KCNIP4: variants seen among roughly 807,000 people sequenced by gnomAD.
The protein encoded by KCNIP4 is Kv channel-interacting protein 4.
KCNIP4 carries 12 observed loss-of-function variants against 34.0 expected under a neutral mutation model. The ratio of observed to expected loss-of-function variants is 0.35; its 90% CI spans 0.23 to 0.57. KCNIP4 has a LOEUF of 0.57. KCNIP4 is among the 20% of genes least tolerant of loss of function. The probability of loss-of-function intolerance (pLI) is 0.83; values close to 1 mark genes in which losing one functional copy is unlikely to be tolerated. For synonymous variants in KCNIP4, 124 were observed against 102.2 expected, an observed-to-expected ratio of 1.21 and a Z score of -1.29; for missense variants, 238 against 311.7, an observed-to-expected ratio of 0.76 and a Z score of 1.78.
At chr4:21,140,855 G>C (rs1751898286) in intron 1 of KCNIP4, among the ~76,000 whole-genome samples, 1 of 152,152 alleles carries the variant, frequency 6.6e-6, no homozygotes. Flanking sequence ...GGTCCTCTCA[G>C]TCTCAGTTTC....
At chr4:21,897,418 G>A (rs763470464) in intron 1 of KCNIP4, among the ~76,000 whole-genome samples, 2 of 151,778 alleles carry the variant, frequency 1.3e-5, no homozygotes, top group Non-Finnish European at 2.9e-5. Context: ...TTTTTTTCTT[G>A]CCCTTGCTGT....
At chr4:21,564,609 T>C (rs1051457196) in intron 1 of KCNIP4, among the ~76,000 whole-genome samples, 3 of 152,098 alleles carry the variant, frequency 2.0e-5, no homozygotes, top group African/African-American at 4.8e-5. Flanking sequence ...AAATTTGTAA[T>C]TCCGTGTCTT....
chr4:21,366,705 A>G (rs1182607992), intron 1 of KCNIP4, among the ~76,000 whole-genome samples: 4 of 152,100 alleles, frequency 2.6e-5, no homozygotes, highest in Non-Finnish European at 5.9e-5. Context: ...AATAAATCCT[A>G]TCTCTATAGT....
At position 21,147,958 on chromosome 4, in the gene KCNIP4, AAAG is replaced by A. The variant is rs1412571521; in HGVS notation, c.62-265252_62-265250del. ...CCGTCTCAAAAAAAAAAAAAAAAAA[AAAG>A]AAAAAAAGTTCAAGTACTTTGGGAA... On this transcript the variant is annotated intron_variant, in intron 1 of 8. Coordinates refer to ENST00000382152, the MANE Select transcript of KCNIP4 (RefSeq NM_025221.6). Among the ~76,000 whole-genome samples, 3 of 140,188 alleles carry A rather than the reference AAAG, an allele frequency of 2.1e-5. No homozygotes were observed. The South Asian group carries it at 7.0e-4, about 33-fold the overall frequency. 92.0% of individuals were successfully genotyped at this position (140,188 alleles called of 152,430 possible). A position where few individuals can be genotyped will look rare whatever the true frequency, so the allele number is the denominator to read the frequency against.
At chr4:21,743,364 C>T (rs576112698) in intron 1 of KCNIP4, among the ~76,000 whole-genome samples, 2 of 151,138 alleles carry the variant, frequency 1.3e-5, no homozygotes, top group Non-Finnish European at 2.9e-5. Flanking sequence ...CTGGTATAGT[C>T]TTCATCACAC....
At chr4:20,988,000 C>CAAAAAAAAAAAAAAAAGAAAA (rs1736739485) in intron 1 of KCNIP4, among the ~76,000 whole-genome samples, 1 of 46,318 alleles carries the variant, frequency 2.2e-5, no homozygotes, top group Non-Finnish European at 4.0e-5. Flanking sequence ...GATTCCATCT[C>CAAAAAAAAAAAAAAAAGAAAA]AAAAAAAAAA....
chr4:21,300,503 T>C (rs1326109086), intron 1 of KCNIP4, among the ~76,000 whole-genome samples: 1 of 152,128 alleles, frequency 6.6e-6, no homozygotes, highest in Non-Finnish European at 1.5e-5. Context: ...GAAAATGTAA[T>C]AAATATTAAT....
At chr4:21,729,444 C>T (rs763541699) in intron 1 of KCNIP4, among the ~76,000 whole-genome samples, 1 of 152,066 alleles carries the variant, frequency 6.6e-6, no homozygotes, top group Non-Finnish European at 1.5e-5. Flanking sequence ...TATTATTATT[C>T]GAGAAGCAAT....
At chr4:21,235,027 T>A (rs930033642) in intron 1 of KCNIP4, among the ~76,000 whole-genome samples, 1 of 152,094 alleles carries the variant, frequency 6.6e-6, no homozygotes, top group African/African-American at 2.4e-5. Flanking sequence ...ATCAAAATAT[T>A]AAAAATACAC....
intron 1 of KCNIP4, among the ~76,000 whole-genome samples, chr4:21,882,676 G>T (rs1288573214): frequency 3.3e-5 from 5 of 152,084 alleles, no homozygotes; most frequent in Admixed American, 6.6e-5. Context: ...CTTTCAAGTG[G>T]CTGCGTCCCT....
At chr4:21,681,873 C>CTTTTTT (rs35681482) in intron 1 of KCNIP4, among the ~76,000 whole-genome samples, 4 of 147,512 alleles carry the variant, frequency 2.7e-5, no homozygotes, top group African/African-American at 5.1e-5. Context: ...GAATGCCACA[C>CTTTTTT]TTTTTTTTTT....
chr4:21,448,580 G>C (rs183539292), intron 1 of KCNIP4, among the ~76,000 whole-genome samples: 2 of 152,126 alleles, frequency 1.3e-5, no homozygotes, highest in East Asian at 3.8e-4. Context: ...GGAAGAAACT[G>C]TTAAGCAAAA....
chr4:21,948,519 G>A (rs1349952939), intron 1 of KCNIP4, 52 bp downstream of exon 1: 16 of 1,577,248 alleles, frequency 1.0e-5, no homozygotes, highest in Non-Finnish European at 1.4e-5. Context: ...CTTGGCTCGC[G>A]AGGGAAGGAG....
intron 1 of KCNIP4, among the ~76,000 whole-genome samples, chr4:21,197,620 G>T (rs1756151115): frequency 6.6e-6 from 1 of 151,892 alleles, no homozygotes; most frequent in Admixed American, 6.6e-5. Flanking sequence ...TGTATTTATT[G>T]CAAATATATA....
intron 1 of KCNIP4, among the ~76,000 whole-genome samples, chr4:21,434,000 A>G (rs2109677621): frequency 6.6e-6 from 1 of 152,176 alleles, no homozygotes; most frequent in South Asian, 2.1e-4. Context: ...TATAATCGGT[A>G]TTTTCTGGGT....
intron 1 of KCNIP4, among the ~76,000 whole-genome samples, chr4:21,189,999 T>A (rs964932915): frequency 6.6e-6 from 1 of 152,234 alleles, no homozygotes; most frequent in African/African-American, 2.4e-5. Flanking sequence ...CCAAAACTAA[T>A]GTAATCTTTG....
chr4:21,479,677 T>C (rs1731264286), intron 1 of KCNIP4, among the ~76,000 whole-genome samples: 1 of 152,116 alleles, frequency 6.6e-6, no homozygotes, highest in Non-Finnish European at 1.5e-5. Context: ...TGGCAATTAT[T>C]TCACAGTGAA....
At chr4:21,113,053 T>C (rs535450068) in intron 1 of KCNIP4, among the ~76,000 whole-genome samples, 3 of 152,168 alleles carry the variant, frequency 2.0e-5, no homozygotes, top group African/African-American at 4.8e-5. Context: ...TACATAAATA[T>C]AAGATTTTTG....
rs576041093 is a variant in KCNIP4, at chr4:21,074,211, G to C, written c.62-191502C>G. Among the ~76,000 whole-genome samples, 15 of 152,276 alleles carry C rather than the reference G, an allele frequency of 9.9e-5. No homozygotes were observed. The South Asian group carries it at 3.1e-3, about 32-fold the overall frequency. ...TGACTGGAATAGTTTCAGAAGGAAT[G>C]GTATCAGCTCCTCCTTGTACCTCTG... On this transcript the variant is annotated intron_variant, in intron 1 of 8. Transcript: ENST00000382152.
Sources: gnomAD v4.1 joint callset for allele counts (sites outside exome capture counted in the v4.1 genomes callset) on GRCh38, gnomAD v4.1.1 for gene constraint, MANE v1.5 for transcripts, NCBI Gene and HGNC (gene_info 2026-07-23, HGNC 2026-07-21) for gene names.